LRRC37A2: variants seen among roughly 807,000 people sequenced by gnomAD.
The protein encoded by LRRC37A2 is leucine-rich repeat-containing protein 37A2.
Under a neutral mutation model 68.8 loss-of-function variants are expected in LRRC37A2, and 9 were observed. The ratio of observed to expected loss-of-function variants is 0.13; its 90% CI spans 0.08 to 0.23. The LOEUF (loss-of-function observed/expected upper bound fraction) is 0.23, where lower values mean the gene tolerates loss of function less well. Ranked by LOEUF, LRRC37A2 falls within the 10% of genes least tolerant of loss-of-function variation. The probability of loss-of-function intolerance (pLI) is 1.00; values close to 1 mark genes in which losing one functional copy is unlikely to be tolerated. For missense variants in LRRC37A2, 168 were observed against 950.4 expected (o/e 0.18, Z 10.82); for synonymous variants, 63 against 367.6 (o/e 0.17, Z 9.48).
the LRRC37A2 span, chr17:46,929,369 T>C: frequency 2.9e-6 from 2 of 686,988 alleles, no homozygotes; most frequent in East Asian, 2.7e-5. Context: ...TGCCAAAACG[T>C]GGGACCTAAA....
chr17:46,985,035 T>G, the LRRC37A2 span, among the ~76,000 whole-genome samples: 1 of 152,222 alleles, frequency 6.6e-6, no homozygotes, highest in Non-Finnish European at 1.5e-5. Flanking sequence ...TGGGCAAAGG[T>G]AGCCTGCTGC....
chr17:47,007,197 C>T, the LRRC37A2 span, among the ~76,000 whole-genome samples: 114 of 152,056 alleles, frequency 7.5e-4, no homozygotes, highest in African/African-American at 2.7e-3. Flanking sequence ...TCTTTTCCTT[C>T]GACAGAGTCT....
the LRRC37A2 span, among the ~76,000 whole-genome samples, chr17:47,030,029 C>T: frequency 2.1e-4 from 32 of 150,100 alleles, no homozygotes; most frequent in African/African-American, 7.4e-4. Context: ...CACCATTGCA[C>T]TCCAGCTTGA....
chr17:46,855,722 G>A, the LRRC37A2 span, among the ~76,000 whole-genome samples: 2 of 152,140 alleles, frequency 1.3e-5, no homozygotes, highest in African/African-American at 2.4e-5. Flanking sequence ...ATTTAGAGAC[G>A]GAGTCTCGCT....
At chr17:46,663,831 TCTAGG>T in the LRRC37A2 span, among the ~76,000 whole-genome samples, 1 of 65,412 alleles carries the variant, frequency 1.5e-5, no homozygotes, top group South Asian at 8.5e-4. Context: ...CATCTTTAGT[TCTAGG>T]CTATCTAATG....
At chr17:46,896,969 A>G in the LRRC37A2 span, among the ~76,000 whole-genome samples, 1 of 152,194 alleles carries the variant, frequency 6.6e-6, no homozygotes, top group Non-Finnish European at 1.5e-5. Flanking sequence ...CTTCAAGTCA[A>G]ATGCTACAGA....
At chr17:46,749,280 T>A in the LRRC37A2 span, among the ~76,000 whole-genome samples, 1 of 152,336 alleles carries the variant, frequency 6.6e-6, no homozygotes, top group African/African-American at 2.4e-5. Flanking sequence ...ATATTAAATG[T>A]GACAATTATG....
At chr17:46,501,567 C>T in the LRRC37A2 span, among the ~76,000 whole-genome samples, 9 of 151,254 alleles carry the variant, frequency 6.0e-5, no homozygotes, top group Non-Finnish European at 1.3e-4. Context: ...TCAACATGCT[C>T]ATCATCAGTC....
the LRRC37A2 span, chr17:46,713,864 A>G: frequency 6.2e-7 from 1 of 1,611,554 alleles, no homozygotes; most frequent in Non-Finnish European, 8.5e-7. Context: ...CCCTCCTCAC[A>G]GTGGGAAGAC....
At chr17:46,829,460 C>T in the LRRC37A2 span, among the ~76,000 whole-genome samples, 5 of 152,204 alleles carry the variant, frequency 3.3e-5, no homozygotes, top group Non-Finnish European at 7.3e-5. Flanking sequence ...TAAGGCACCA[C>T]GCCTGGCCTC....
At chr17:46,595,450 C>T in the LRRC37A2 span, among the ~76,000 whole-genome samples, 2 of 92,368 alleles carry the variant, frequency 2.2e-5, no homozygotes, top group Non-Finnish European at 3.5e-5. Flanking sequence ...TAGTCATCTA[C>T]TCAGCTATCA....
At chr17:46,924,183 A>G in the LRRC37A2 span, 1 of 247,860 alleles carries the variant, frequency 4.0e-6, no homozygotes, top group East Asian at 7.2e-5. Context: ...GAGTTTACCT[A>G]TTCTAGATAC....
the LRRC37A2 span, among the ~76,000 whole-genome samples, chr17:46,970,683 C>T: frequency 1.3e-5 from 2 of 152,154 alleles, no homozygotes; most frequent in African/African-American, 4.8e-5. Context: ...GCTCCACTCA[C>T]GTGGACGGGG....
At chr17:46,796,318 G>A in the LRRC37A2 span, among the ~76,000 whole-genome samples, 1 of 152,210 alleles carries the variant, frequency 6.6e-6, no homozygotes, top group Non-Finnish European at 1.5e-5. Context: ...TGCTAATAAA[G>A]ACCAGTGACA....
the LRRC37A2 span, chr17:46,967,005 T>C: frequency 8.4e-5 from 20 of 237,620 alleles, no homozygotes; most frequent in Non-Finnish European, 1.5e-4. Context: ...CTGTGATGTG[T>C]GAAGTCCCTT....
the LRRC37A2 span, among the ~76,000 whole-genome samples, chr17:46,847,967 A>AGTGTGTGTGTGTGTGT: frequency 2.0e-4 from 30 of 149,700 alleles, no homozygotes; most frequent in African/African-American, 6.1e-4. Flanking sequence ...TGATTTCCAA[A>AGTGTGTGTGTGTGTGT]GTGTGTGTGT....
At chr17:47,010,133 G>A in the LRRC37A2 span, among the ~76,000 whole-genome samples, 1 of 152,200 alleles carries the variant, frequency 6.6e-6, no homozygotes. Flanking sequence ...GTGAGTCTGG[G>A]TCCCAGAAGG....
exon 10 of LRRC37A2, chr17:46,548,779 G>T: frequency 6.2e-7 from 1 of 1,611,578 alleles, no homozygotes; most frequent in Non-Finnish European, 8.5e-7. Context: ...CCCAAGGGAG[G>T]TGGAACAGCC....
chr17:46,707,466 C>T, the LRRC37A2 span, among the ~76,000 whole-genome samples: 1 of 152,040 alleles, frequency 6.6e-6, no homozygotes, highest in Non-Finnish European at 1.5e-5. Flanking sequence ...GTATAATCAT[C>T]ACCACCATCC....
Sources: allele counts gnomAD v4.1 joint callset (sites outside exome capture counted in the v4.1 genomes callset), GRCh38; gene constraint gnomAD v4.1.1; transcripts MANE v1.5; gene names NCBI Gene and HGNC (gene_info 2026-07-23, HGNC 2026-07-21).